Variants in DOCK2 observed in about 807,000 individuals in gnomAD.
DOCK2 encodes dedicator of cytokinesis 2.
Under a neutral mutation model 248.9 loss-of-function variants are expected in DOCK2, and 87 were observed. The ratio of observed to expected loss-of-function variants is 0.35; its 90% CI spans 0.29 to 0.42. The LOEUF is 0.42. Ranked by LOEUF, DOCK2 falls within the 10% of genes least tolerant of loss-of-function variation. The pLI is 1.00. For missense variants in DOCK2, 1,747 were observed against 2,300.2 expected (o/e 0.76, Z 4.92); for synonymous variants, 805 against 821.6 (o/e 0.98, Z 0.35).
chr5:169,720,879 C>T (rs1762161550), intron 22 of DOCK2, among the ~76,000 whole-genome samples: 1 of 152,118 alleles, frequency 6.6e-6, no homozygotes, highest in Non-Finnish European at 1.5e-5. Context: ...TACAGGCACG[C>T]ATCACCACAC....
intron 14 of DOCK2, among the ~76,000 whole-genome samples, chr5:169,702,838 T>G (rs1363627): frequency 0.33 from 50,898 of 151,946 alleles, 10,357 homozygotes; most frequent in East Asian, 0.62. Flanking sequence ...TGCCTTGGGC[T>G]GGTGTGGAGG....
chr5:170,008,721 C>A lies in DOCK2; in HGVS notation c.3207C>A (p.Ser1069=). The A allele has an allele frequency of 6.2e-7, 1 of 1,614,058 alleles. No homozygotes were observed. Among genetic ancestry groups the A allele is most frequent in the Non-Finnish European group, 8.5e-7 (1 of 1,179,978 alleles). Residue 1069 remains serine (S), a synonymous_variant, in exon 32 of 52, where the codon TCC becomes TCA. Coordinates refer to ENST00000520908, the MANE Select transcript of DOCK2 (RefSeq NM_004946.3). ...ACATGAGACGGCTAATTGGCTTCTC[C>A]ATCCGTGATATGTGGTACAAGCTTG... The part of the protein sequence containing the change: ...YGDMRRLIGF[S]IRDMWYKLGQ...
intron 26 of DOCK2, among the ~76,000 whole-genome samples, chr5:169,805,366 C>T (rs1344665427): frequency 1.3e-5 from 2 of 152,116 alleles, no homozygotes. Flanking sequence ...CTTGCCACTG[C>T]ACTTCAGCCC....
chr5:169,733,343 C>T (rs77011891), intron 22 of DOCK2, among the ~76,000 whole-genome samples: 1 of 151,782 alleles, frequency 6.6e-6, no homozygotes, highest in East Asian at 1.9e-4. Context: ...TCTGTCACCT[C>T]CTTCTTAAAT....
intron 25 of DOCK2, among the ~76,000 whole-genome samples, chr5:169,767,966 T>G (rs964188577): frequency 6.6e-6 from 1 of 152,242 alleles, no homozygotes; most frequent in African/African-American, 2.4e-5. Context: ...CTCAGTGGTT[T>G]GATAATGGAA....
chr5:169,677,519 G>C (rs1181057791), intron 6 of DOCK2, among the ~76,000 whole-genome samples: 1 of 152,152 alleles, frequency 6.6e-6, no homozygotes. Context: ...TTTACCCGTT[G>C]TGCATGCTCT....
intron 22 of DOCK2, among the ~76,000 whole-genome samples, chr5:169,730,695 C>T (rs1656910898): frequency 6.6e-6 from 1 of 152,100 alleles, no homozygotes; most frequent in Non-Finnish European, 1.5e-5. Flanking sequence ...CCTGTGTTTC[C>T]TCAAATCAGT....
intron 27 of DOCK2, among the ~76,000 whole-genome samples, chr5:169,911,637 C>A (rs1774605774): frequency 6.6e-6 from 1 of 152,200 alleles, no homozygotes; most frequent in Non-Finnish European, 1.5e-5. Flanking sequence ...ATATTCAATT[C>A]TTTTCTGTCT....
At chr5:169,829,417 C>T (rs372037014) in intron 26 of DOCK2, among the ~76,000 whole-genome samples, 1 of 152,134 alleles carries the variant, frequency 6.6e-6, no homozygotes, top group Non-Finnish European at 1.5e-5. Flanking sequence ...TGCAGTAATA[C>T]TGAAGATGAA....
chr5:169,674,101 G>A (rs925182995), intron 5 of DOCK2, among the ~76,000 whole-genome samples, 196 bp from the exon 6 acceptor site: 2 of 152,124 alleles, frequency 1.3e-5, no homozygotes, highest in Admixed American at 1.3e-4. Context: ...TTGCTTTTGG[G>A]AAATCCCTGT....
In DOCK2 at chr5:170,005,005, T is replaced by C. The variant is rs576157286; in HGVS notation, c.3073-3492T>C. Among the ~76,000 whole-genome samples, 350 of 149,334 alleles carry C rather than the reference T, an allele frequency of 2.3e-3. 4 individuals are homozygous for C. Among genetic ancestry groups the C allele is most frequent in the East Asian group, 0.019 (95 of 4,968 alleles). ...GTGGGTGCAGCGCACCAGCATGGCA[T>C]ATGTATACATATGTAACTAACCTGC... On this transcript the variant is annotated intron_variant, in intron 30 of 51. Coordinates refer to ENST00000520908, the MANE Select transcript of DOCK2 (RefSeq NM_004946.3).
At chr5:169,864,262 T>C in intron 27 of DOCK2, 1 of 1,550,630 alleles carries the variant, frequency 6.4e-7, no homozygotes, top group Non-Finnish European at 8.7e-7. Flanking sequence ...TGGGGGATGG[T>C]CCCAACCAGC....
rs560711325 is a variant in DOCK2, at chr5:170,082,822, C to T, written c.5457C>T (p.Gly1819=). 2.5e-6 allele frequency: 4 copies of T among 1,614,200 alleles called. No homozygotes were observed. Among genetic ancestry groups the T allele is most frequent in the African/African-American group, 1.3e-5 (1 of 75,046 alleles). Residue 1819 remains glycine, a synonymous_variant, in exon 52 of 52, where the codon GGC becomes GGT. Coordinates refer to ENST00000520908, the MANE Select transcript of DOCK2 (RefSeq NM_004946.3). The part of the protein sequence containing the change: ...TMLASKSAEE[G]KQIPDSLSTD... ...TGGCCAGCAAATCGGCTGAAGAAGG[C>T]AAACAGATCCCAGACTCGCTGTCCA...
chr5:169,789,619 G>A (rs919538615), intron 25 of DOCK2, among the ~76,000 whole-genome samples: 7 of 152,152 alleles, frequency 4.6e-5, no homozygotes, highest in African/African-American at 1.7e-4. Context: ...TTGCTGTAGA[G>A]TCCAAGCAAA....
intron 27 of DOCK2, among the ~76,000 whole-genome samples, chr5:169,978,883 C>G (rs896029746): frequency 6.6e-6 from 1 of 152,154 alleles, no homozygotes; most frequent in Non-Finnish European, 1.5e-5. Context: ...TGCTGTGATT[C>G]ATTAGCCACA....
chr5:169,822,341 G>T (rs1365449871), intron 26 of DOCK2, among the ~76,000 whole-genome samples: 1 of 152,128 alleles, frequency 6.6e-6, no homozygotes, highest in Non-Finnish European at 1.5e-5. Context: ...CACCACACCT[G>T]TTCCAAAATT....
intron 26 of DOCK2, among the ~76,000 whole-genome samples, chr5:169,808,494 C>T (rs530103789): frequency 9.1e-4 from 138 of 152,074 alleles, no homozygotes; most frequent in Middle Eastern, 6.8e-3. Flanking sequence ...GTTGAATTCC[C>T]TCACCCAGCT....
At chr5:169,823,314 C>T (rs1768604299) in intron 26 of DOCK2, among the ~76,000 whole-genome samples, 2 of 151,992 alleles carry the variant, frequency 1.3e-5, no homozygotes, top group Non-Finnish European at 1.5e-5. Context: ...AGAGACACAA[C>T]CAAAAAAGAA....
At chr5:169,700,307 A>G (rs1167368276) in intron 13 of DOCK2, among the ~76,000 whole-genome samples, 168 bp downstream of exon 13, 2 of 152,254 alleles carry the variant, frequency 1.3e-5, no homozygotes, top group South Asian at 2.1e-4. Context: ...AAAAACTTCT[A>G]TGCATTAACA....
Sources: allele counts gnomAD v4.1 joint callset (sites outside exome capture counted in the v4.1 genomes callset), GRCh38; gene constraint gnomAD v4.1.1; transcripts MANE v1.5; gene names NCBI Gene and HGNC (gene_info 2026-07-23, HGNC 2026-07-21).